Variants in LDLRAD3 observed in about 807,000 individuals in gnomAD.
LDLRAD3 encodes the protein low density lipoprotein receptor class A domain containing 3.
In LDLRAD3, 20 loss-of-function variants were observed where a neutral mutation model predicts 29.4. That is an observed-to-expected ratio of 0.68 (90% CI 0.48 to 0.99). The LOEUF (loss-of-function observed/expected upper bound fraction) is 0.99, where lower values mean the gene tolerates loss of function less well. Among genes scored for constraint, LDLRAD3 ranks in the 50% least tolerant of loss-of-function variants. The pLI is 0.00. For synonymous variants in LDLRAD3, 157 were observed against 192.7 expected (o/e 0.81, Z 1.53); for missense variants, 420 against 454.3 (o/e 0.92, Z 0.69).
rs1473335188 is a variant in LDLRAD3 at position 36,036,173 on chromosome 11, T to C, written c.117T>C (p.Asn39=). 2 of 1,614,172 alleles carry C rather than the reference T, an allele frequency of 1.2e-6. No individual in the cohort carries two copies. The highest frequency in any genetic ancestry group is 2.2e-5 in the East Asian group (1 of 44,886). The change falls in exon 2 of 6, where the codon AAT becomes AAC. Residue 39 remains asparagine, a synonymous_variant. Transcript: ENST00000315571. ...CNIPGNFMCS[N]GRCIPGAWQC... ...TACCAGGCAACTTCATGTGCAGCAATGGACGGTGCATCCCGGGCGCCTGGC... is the reference window on the plus strand; with the variant it reads ...TACCAGGCAACTTCATGTGCAGCAACGGACGGTGCATCCCGGGCGCCTGGC...
intron 4 of LDLRAD3, among the ~76,000 whole-genome samples, chr11:36,219,454 TG>T (rs1483499967): frequency 6.6e-6 from 1 of 152,204 alleles, no homozygotes; most frequent in Non-Finnish European, 1.5e-5. Context: ...TAAAGATAGT[TG>T]TATAGCTCAA....
chr11:36,101,633 C>T (rs983279440), intron 4 of LDLRAD3, among the ~76,000 whole-genome samples: 2 of 152,126 alleles, frequency 1.3e-5, no homozygotes, highest in African/African-American at 2.4e-5. Context: ...CCTCATCCTT[C>T]GTAGGGTGTA....
At chr11:36,004,015 G>A (rs1220014273) in intron 1 of LDLRAD3, among the ~76,000 whole-genome samples, 1 of 152,118 alleles carries the variant, frequency 6.6e-6, no homozygotes, top group African/African-American at 2.4e-5. Context: ...TTCCCACCAG[G>A]CCTCTCCTCC....
At chr11:36,025,591 C>T (rs939682996) in intron 1 of LDLRAD3, among the ~76,000 whole-genome samples, 1 of 151,412 alleles carries the variant, frequency 6.6e-6, no homozygotes, top group Non-Finnish European at 1.5e-5. Flanking sequence ...GGGTTTCACC[C>T]TGTTAGCCAG....
intron 4 of LDLRAD3, among the ~76,000 whole-genome samples, chr11:36,159,314 A>G (rs570309169): frequency 6.6e-6 from 1 of 151,946 alleles, no homozygotes. Flanking sequence ...TAAAAATTTT[A>G]AAAAACTTGC....
chr11:36,149,093 G>A (rs952986018), intron 4 of LDLRAD3, among the ~76,000 whole-genome samples: 4 of 152,142 alleles, frequency 2.6e-5, no homozygotes, highest in Admixed American at 6.5e-5. Flanking sequence ...CTAAGAAGAG[G>A]GACAGACTCA....
chr11:35,949,150 T>C (rs1306162936), intron 1 of LDLRAD3, among the ~76,000 whole-genome samples: 1 of 152,196 alleles, frequency 6.6e-6, no homozygotes, highest in African/African-American at 2.4e-5. Flanking sequence ...CACAGTTCCA[T>C]GGGAAAACCC....
intron 4 of LDLRAD3, among the ~76,000 whole-genome samples, chr11:36,226,148 A>G (rs1183853837): frequency 6.6e-6 from 1 of 152,228 alleles, no homozygotes; most frequent in East Asian, 1.9e-4. Flanking sequence ...AGCATAACGT[A>G]TAGCTATGTT....
chr11:36,202,757 A>G (rs1855145381), intron 4 of LDLRAD3, among the ~76,000 whole-genome samples: 1 of 152,190 alleles, frequency 6.6e-6, no homozygotes, highest in African/African-American at 2.4e-5. Flanking sequence ...GGTCACCTTC[A>G]TACTACAGAT....
intron 3 of LDLRAD3, among the ~76,000 whole-genome samples, chr11:36,097,989 C>CA (rs889209556): frequency 3.3e-5 from 5 of 152,242 alleles, no homozygotes; most frequent in Admixed American, 2.0e-4. Flanking sequence ...GTGCTGTCAC[C>CA]AAAAAAGGTA....
intron 5 of LDLRAD3, among the ~76,000 whole-genome samples, chr11:36,228,092 AG>A (rs1045094672): frequency 5.3e-5 from 8 of 152,206 alleles, no homozygotes; most frequent in African/African-American, 1.9e-4. Flanking sequence ...AGTTGAAGCA[AG>A]CAGTGGGCCC....
At chr11:36,031,878 A>G (rs1043521588) in intron 1 of LDLRAD3, among the ~76,000 whole-genome samples, 2 of 152,226 alleles carry the variant, frequency 1.3e-5, no homozygotes, top group Non-Finnish European at 2.9e-5. Context: ...CCAACCTAAC[A>G]TAGCAAAGTC....
At chr11:36,068,651 G>A (rs552484426) in intron 2 of LDLRAD3, among the ~76,000 whole-genome samples, 1 of 152,196 alleles carries the variant, frequency 6.6e-6, no homozygotes. Flanking sequence ...CGAGTAGCTG[G>A]GACTACAGGC....
At chr11:35,955,372 G>A (rs1245964413) in intron 1 of LDLRAD3, among the ~76,000 whole-genome samples, 1 of 152,176 alleles carries the variant, frequency 6.6e-6, no homozygotes, top group African/African-American at 2.4e-5. Flanking sequence ...TTCCAGGAAG[G>A]AAGCACATCA....
intron 3 of LDLRAD3, 147 bp from the exon 4 acceptor site, chr11:36,098,180 C>A: frequency 1.1e-6 from 1 of 951,132 alleles, no homozygotes; most frequent in Non-Finnish European, 1.5e-6. Flanking sequence ...GGCTGGCCAG[C>A]CTTACAGCAT....
At chr11:36,103,744 TAG>T (rs2133279651) in intron 4 of LDLRAD3, among the ~76,000 whole-genome samples, 1 of 152,356 alleles carries the variant, frequency 6.6e-6, no homozygotes, top group South Asian at 2.1e-4. Context: ...AGTCCCTCTG[TAG>T]GCCGTTTGAA....
chr11:36,173,287 T>G (rs1014703643), intron 4 of LDLRAD3, among the ~76,000 whole-genome samples: 1 of 151,346 alleles, frequency 6.6e-6, no homozygotes, highest in Non-Finnish European at 1.5e-5. Flanking sequence ...GCTGCACCCA[T>G]TAACTCGTCA....
intron 2 of LDLRAD3, among the ~76,000 whole-genome samples, chr11:36,073,193 C>T (rs1852936213): frequency 6.6e-6 from 1 of 152,142 alleles, no homozygotes; most frequent in Non-Finnish European, 1.5e-5. Flanking sequence ...TCTGTGAATT[C>T]CAGGACTGTG....
chr11:36,208,473 C>T (rs998591000), intron 4 of LDLRAD3, among the ~76,000 whole-genome samples: 6 of 152,218 alleles, frequency 3.9e-5, no homozygotes, highest in African/African-American at 1.4e-4. Context: ...CGAAGGGCAG[C>T]TAGCCAAACA....
Sources: gnomAD v4.1 joint callset for allele counts (sites outside exome capture counted in the v4.1 genomes callset) on GRCh38, gnomAD v4.1.1 for gene constraint, MANE v1.5 for transcripts, NCBI Gene and HGNC (gene_info 2026-07-23, HGNC 2026-07-21) for gene names.